The following GPC5 variants were observed in gnomAD, a reference collection of about 807,000 sequenced individuals.
GPC5 encodes the protein glypican 5.
Under a neutral mutation model 53.9 loss-of-function variants are expected in GPC5, and 47 were observed. That is an observed-to-expected ratio of 0.87 (90% CI 0.69 to 1.11). GPC5 has a LOEUF of 1.11. Ranked by LOEUF, GPC5 falls within the 50% of genes most tolerant of loss-of-function variation. The pLI, the probability that GPC5 is intolerant of heterozygous loss-of-function variation, is 0.00. For missense variants in GPC5, 748 were observed against 713.1 expected (o/e 1.05, Z -0.56); for synonymous variants, 286 against 263.3 (o/e 1.09, Z -0.84).
At chr13:92,779,811 T>A (rs558367951) in intron 7 of GPC5, among the ~76,000 whole-genome samples, 18 of 152,288 alleles carry the variant, frequency 1.2e-4, no homozygotes, top group Non-Finnish European at 2.5e-4. Flanking sequence ...CAATACAGAT[T>A]AAATTTGTAA....
At chr13:92,189,606 C>T (rs2042209150) in intron 7 of GPC5, among the ~76,000 whole-genome samples, 1 of 151,980 alleles carries the variant, frequency 6.6e-6, no homozygotes, top group Non-Finnish European at 1.5e-5. Flanking sequence ...CACACACACA[C>T]AAAAGTTTCA....
chr13:92,313,218 C>T (rs2043157194), intron 7 of GPC5, among the ~76,000 whole-genome samples: 1 of 152,152 alleles, frequency 6.6e-6, no homozygotes, highest in Non-Finnish European at 1.5e-5. Flanking sequence ...CAAAGCAGCT[C>T]ATATACATGA....
At chr13:92,034,072 C>T (rs958452186) in intron 6 of GPC5, among the ~76,000 whole-genome samples, 1 of 152,022 alleles carries the variant, frequency 6.6e-6, no homozygotes, top group East Asian at 1.9e-4. Context: ...AGCTAAAAAT[C>T]CTCCAACACA....
chr13:91,544,325 CTT>C (rs1248858395), intron 2 of GPC5, among the ~76,000 whole-genome samples: 1 of 151,878 alleles, frequency 6.6e-6, no homozygotes, highest in Admixed American at 6.5e-5. Flanking sequence ...TTTTTAAAAA[CTT>C]TCTAACTATT....
intron 7 of GPC5, chr13:92,719,905 T>A (rs1888456661): frequency 6.6e-6 from 1 of 152,156 alleles, no homozygotes; most frequent in African/African-American, 2.4e-5. Context: ...GGAAAATGAA[T>A]ACCTTCCCTT....
At chr13:91,540,346 A>G (rs1341885546) in intron 2 of GPC5, among the ~76,000 whole-genome samples, 4 of 152,252 alleles carry the variant, frequency 2.6e-5, no homozygotes, top group Non-Finnish European at 5.9e-5. Flanking sequence ...TTAGAATTCT[A>G]TAAATATCTT....
At chr13:92,670,709 A>G (rs541187327) in intron 7 of GPC5, among the ~76,000 whole-genome samples, 18 of 152,294 alleles carry the variant, frequency 1.2e-4, no homozygotes, top group Non-Finnish European at 2.2e-4. Context: ...CCAGCATTTA[A>G]GAAGATATCA....
intron 7 of GPC5, among the ~76,000 whole-genome samples, chr13:92,214,240 T>C (rs1177398816): frequency 6.6e-6 from 1 of 152,214 alleles, no homozygotes; most frequent in African/African-American, 2.4e-5. Context: ...GCTTATTCAA[T>C]ATTTTTGGTT....
intron 7 of GPC5, among the ~76,000 whole-genome samples, chr13:92,779,991 A>G (rs977817312): frequency 2.0e-5 from 3 of 152,114 alleles, no homozygotes; most frequent in African/African-American, 4.8e-5. Context: ...AAGACTGTGA[A>G]CAGATTTAAG....
At chr13:92,287,645 T>C (rs2042965544) in intron 7 of GPC5, among the ~76,000 whole-genome samples, 2 of 152,118 alleles carry the variant, frequency 1.3e-5, no homozygotes, top group African/African-American at 4.8e-5. Flanking sequence ...TGGCTGTCAA[T>C]TATATTGAAA....
chr13:91,603,093 A>C (rs1367273157), intron 2 of GPC5, among the ~76,000 whole-genome samples: 1 of 152,162 alleles, frequency 6.6e-6, no homozygotes, highest in African/African-American at 2.4e-5. Flanking sequence ...GGATTCTGAG[A>C]CTTTATTACA....
chr13:92,692,754 A>ATTTTTTTTTTTTTTTTTTTTT lies in GPC5; in HGVS notation c.1562-173526_1562-173506dup. Among the ~76,000 whole-genome samples, 149 of 80,988 alleles carry ATTTTTTTTTTTTTTTTTTTTT rather than the reference A, an allele frequency of 1.8e-3. 14 individuals carry two copies. Among genetic ancestry groups the ATTTTTTTTTTTTTTTTTTTTT allele is most frequent in the South Asian group, 3.8e-3 (7 of 1,822 alleles). The allele number at this position is 80,988 out of a possible 152,430, so 53.1% of individuals were successfully genotyped here. On this transcript the variant is annotated intron_variant, in intron 7 of 7. Transcript: ENST00000377067. The stretch of plus-strand genomic sequence containing the variant: ...CTCCAAAGCCTCACCAATATCGGCT[A>ATTTTTTTTTTTTTTTTTTTTT]TTTTTTTTTTTTTTTTTTTTTTACA...
At chr13:91,857,585 T>A (rs2038980331) in intron 5 of GPC5, among the ~76,000 whole-genome samples, 1 of 151,314 alleles carries the variant, frequency 6.6e-6, no homozygotes, top group South Asian at 2.1e-4. Flanking sequence ...TGGCTGTTTT[T>A]TTTTTCCAAA....
rs552446753 is a variant in GPC5 at position 91,756,746 on chromosome 13, T to C, written c.1280+326T>C. Among the ~76,000 whole-genome samples the C allele has an allele frequency of 1.3e-4, 19 of 151,906 alleles. No homozygotes were observed. In the South Asian group the frequency reaches 3.9e-3, roughly 32 times the overall value. ...GTTTACCAAATATTGTATTTCTTTT[T>C]AGTTTAAATTCATGAGTATTAGAAA... On this transcript the variant is annotated intron_variant, in intron 5 of 7. Transcript: ENST00000377067.
chr13:91,887,920 C>A (rs1467954123), intron 5 of GPC5, among the ~76,000 whole-genome samples: 1 of 152,132 alleles, frequency 6.6e-6, no homozygotes, highest in African/African-American at 2.4e-5. Context: ...TCTTCTGAAC[C>A]CTCCAAACTG....
intron 7 of GPC5, among the ~76,000 whole-genome samples, chr13:92,696,625 A>T (rs1887565928): frequency 6.6e-6 from 1 of 152,092 alleles, no homozygotes; most frequent in Non-Finnish European, 1.5e-5. Context: ...AGATTGCAAA[A>T]ATTTTCTCCC....
chr13:92,147,698 A>G (rs1407760222), intron 7 of GPC5, among the ~76,000 whole-genome samples: 2 of 152,090 alleles, frequency 1.3e-5, no homozygotes, highest in Non-Finnish European at 2.9e-5. Flanking sequence ...ATTTTTCAGC[A>G]ACTCCAGGCA....
Position 92,156,574 on chromosome 13 carries a change from A to G in GPC5, c.1561+11585A>G, listed in dbSNP as rs2139000033. On this transcript the variant is annotated intron_variant, in intron 7 of 7. Transcript: ENST00000377067. ...TGACATTTTGACTGAGTTTTGTTTT[A>G]TTTAATTGGCAAAAACCATAATTAC... 1.3e-5 allele frequency among the ~76,000 whole-genome samples: 2 copies of G among 152,086 alleles called. 1 individual carries two copies. Among genetic ancestry groups the G allele is most frequent in the Middle Eastern group, 6.8e-3 (2 of 294 alleles).
At chr13:92,787,685 AAAAGAAAAG>A (rs1277531289) in intron 7 of GPC5, among the ~76,000 whole-genome samples, 5 of 143,338 alleles carry the variant, frequency 3.5e-5, no homozygotes, top group African/African-American at 5.3e-5. Flanking sequence ...AAAAAAAAAG[AAAAGAAAAG>A]AAAGAAAGAA....
Sources: gnomAD v4.1 joint callset for allele counts (sites outside exome capture counted in the v4.1 genomes callset) on GRCh38, gnomAD v4.1.1 for gene constraint, MANE v1.5 for transcripts, NCBI Gene and HGNC (gene_info 2026-07-23, HGNC 2026-07-21) for gene names.